CNTNAP2: variants seen among roughly 807,000 people sequenced by gnomAD.
CNTNAP2 encodes the protein contactin-associated protein-like 2.
In CNTNAP2, 98 loss-of-function variants were observed where a neutral mutation model predicts 155.2. The observed-to-expected ratio is 0.63, with a 90% CI of 0.54 to 0.75. The LOEUF (loss-of-function observed/expected upper bound fraction) is 0.75. Ranked by LOEUF, CNTNAP2 falls within the 30% of genes least tolerant of loss-of-function variation. The probability of loss-of-function intolerance (pLI) is 0.00; values close to 1 mark genes in which losing one functional copy is unlikely to be tolerated. For synonymous variants in CNTNAP2, 651 were observed against 631.2 expected (o/e 1.03, Z -0.47); for missense variants, 1,727 against 1,688.1 (o/e 1.02, Z -0.40).
At chr7:148,015,631 C>T (rs1802163999) in intron 15 of CNTNAP2, among the ~76,000 whole-genome samples, 1 of 152,164 alleles carries the variant, frequency 6.6e-6, no homozygotes, top group Non-Finnish European at 1.5e-5. Flanking sequence ...AACATTAGAA[C>T]CCCATTTCCA....
At chr7:146,478,233 A>G (rs1329797669) in intron 1 of CNTNAP2, among the ~76,000 whole-genome samples, 1 of 152,106 alleles carries the variant, frequency 6.6e-6, no homozygotes, top group Non-Finnish European at 1.5e-5. Context: ...GAAAGAGTGG[A>G]GAGACAAAAA....
In CNTNAP2 at chr7:147,468,732, G is replaced by GA. The variant is rs202189974; in HGVS notation, c.1671-17198dup. On this transcript the variant is annotated intron_variant, in intron 10 of 23. Transcript: ENST00000361727. The stretch of plus-strand genomic sequence containing the variant: ...TCTGTTTCTGTGTACAAATATGTTA[G>GA]AAAAATGGTTCTGAAACACTTTGAC... Among the ~76,000 whole-genome samples the GA allele has an allele frequency of 6.9e-3, 1,044 of 152,264 alleles. 13 individuals carry two copies. Among genetic ancestry groups the GA allele is most frequent in the African/African-American group, 0.024 (982 of 41,564 alleles).
At chr7:147,067,574 C>T (rs1799806493) in intron 4 of CNTNAP2, among the ~76,000 whole-genome samples, 1 of 152,134 alleles carries the variant, frequency 6.6e-6, no homozygotes, top group South Asian at 2.1e-4. Flanking sequence ...CAAAAACCCA[C>T]CTGTCCGACA....
chr7:148,294,160 A>G (rs1009840284), intron 21 of CNTNAP2, among the ~76,000 whole-genome samples: 6 of 151,680 alleles, frequency 4.0e-5, no homozygotes, highest in Non-Finnish European at 7.4e-5. Flanking sequence ...TGAACAGGCT[A>G]CTCATCTGTG....
intron 13 of CNTNAP2, among the ~76,000 whole-genome samples, chr7:147,866,765 T>TG (rs1023977081): frequency 5.5e-4 from 84 of 151,592 alleles, no homozygotes; most frequent in African/African-American, 1.8e-3. Flanking sequence ...TTTTTTGTTT[T>TG]TTGTTGTTGT....
chr7:147,580,345 C>T (rs1800475025), intron 12 of CNTNAP2, among the ~76,000 whole-genome samples: 1 of 152,172 alleles, frequency 6.6e-6, no homozygotes, highest in Admixed American at 6.5e-5. Flanking sequence ...AGCTCTTAGT[C>T]CTAAGTTTCA....
intron 13 of CNTNAP2, among the ~76,000 whole-genome samples, chr7:147,733,222 A>G (rs1293625325): frequency 6.6e-6 from 1 of 152,194 alleles, no homozygotes; most frequent in Non-Finnish European, 1.5e-5. Flanking sequence ...AGGTGTAAGG[A>G]AGGGATCCAG....
At chr7:147,096,315 A>T (rs1243083141) in intron 4 of CNTNAP2, among the ~76,000 whole-genome samples, 2 of 152,202 alleles carry the variant, frequency 1.3e-5, no homozygotes, top group East Asian at 3.9e-4. Flanking sequence ...TAAAAATTTG[A>T]ATTTCTGGGC....
chr7:147,828,446 A>G (rs2116631469), intron 13 of CNTNAP2, among the ~76,000 whole-genome samples: 1 of 152,348 alleles, frequency 6.6e-6, no homozygotes, highest in South Asian at 2.1e-4. Flanking sequence ...ACATAGGCAC[A>G]TTTCACATTT....
At chr7:147,529,698 G>A (rs1285616103) in intron 11 of CNTNAP2, among the ~76,000 whole-genome samples, 1 of 152,172 alleles carries the variant, frequency 6.6e-6, no homozygotes, top group African/African-American at 2.4e-5. Flanking sequence ...TTTTTCATGT[G>A]TTAGGACTAC....
intron 12 of CNTNAP2, among the ~76,000 whole-genome samples, chr7:147,580,373 C>T (rs887870672): frequency 1.3e-5 from 2 of 152,062 alleles, no homozygotes; most frequent in African/African-American, 4.8e-5. Context: ...GCTATTACAC[C>T]CTCACTGAAT....
intron 1 of CNTNAP2, among the ~76,000 whole-genome samples, chr7:146,637,803 T>A (rs1392972740): frequency 1.3e-5 from 2 of 152,162 alleles, no homozygotes; most frequent in Non-Finnish European, 2.9e-5. Flanking sequence ...AATGGCAAAA[T>A]ACTAAGATAT....
chr7:146,808,630 A>T (rs1803010411), intron 2 of CNTNAP2, among the ~76,000 whole-genome samples: 1 of 152,238 alleles, frequency 6.6e-6, no homozygotes, highest in East Asian at 1.9e-4. Flanking sequence ...TAATACATTC[A>T]TTACCACTCA....
chr7:147,852,697 C>G (rs528620666), intron 13 of CNTNAP2, among the ~76,000 whole-genome samples: 107 of 152,308 alleles, frequency 7.0e-4, no homozygotes, highest in African/African-American at 2.4e-3. Context: ...CATCTCACGG[C>G]TGACACCTAT....
chr7:146,527,962 G>T (rs558437270), intron 1 of CNTNAP2, among the ~76,000 whole-genome samples: 3 of 152,002 alleles, frequency 2.0e-5, no homozygotes, highest in Non-Finnish European at 4.4e-5. Context: ...TACGGCTTTT[G>T]TTTTAATTTT....
chr7:148,254,559 G>A (rs905123887), intron 20 of CNTNAP2, among the ~76,000 whole-genome samples: 1 of 151,940 alleles, frequency 6.6e-6, no homozygotes, highest in Non-Finnish European at 1.5e-5. Context: ...GGCAAATCAC[G>A]AGGTCAGGAG....
intron 21 of CNTNAP2, among the ~76,000 whole-genome samples, chr7:148,346,069 G>A (rs1008519795): frequency 1.6e-4 from 25 of 152,078 alleles, no homozygotes; most frequent in Non-Finnish European, 1.8e-4. Context: ...CCCCCTGAGC[G>A]CCAGTGTCAC....
chr7:147,878,570 A>G (rs1234374445), intron 13 of CNTNAP2, among the ~76,000 whole-genome samples: 1 of 152,068 alleles, frequency 6.6e-6, no homozygotes, highest in African/African-American at 2.4e-5. Context: ...TTTTTATCAA[A>G]TACTTTTATA....
intron 21 of CNTNAP2, among the ~76,000 whole-genome samples, chr7:148,351,812 T>A (rs1487116011): frequency 6.6e-6 from 1 of 151,194 alleles, no homozygotes. Flanking sequence ...TATTTTTCTG[T>A]CACTTAATAG....
Sources: allele counts gnomAD v4.1 joint callset (sites outside exome capture counted in the v4.1 genomes callset), GRCh38; gene constraint gnomAD v4.1.1; transcripts MANE v1.5; gene names NCBI Gene and HGNC (gene_info 2026-07-23, HGNC 2026-07-21).